NDST4: variants seen among roughly 807,000 people sequenced by gnomAD.
NDST4 encodes the protein N-deacetylase and N-sulfotransferase 4.
NDST4 carries 63 observed loss-of-function variants against 100.8 expected under a neutral mutation model. The observed-to-expected ratio is 0.62, with a 90% CI of 0.51 to 0.77. The LOEUF is 0.77. Ranked by LOEUF, NDST4 falls within the 30% of genes least tolerant of loss-of-function variation. The probability of loss-of-function intolerance (pLI) is 0.00; values close to 1 mark genes in which losing one functional copy is unlikely to be tolerated. For missense variants in NDST4, 943 were observed against 1,018.4 expected (o/e 0.93, Z 1.01); for synonymous variants, 377 against 361.8 (o/e 1.04, Z -0.48).
chr4:115,019,930 T>C (rs1340269484), intron 2 of NDST4, among the ~76,000 whole-genome samples: 1 of 152,006 alleles, frequency 6.6e-6, no homozygotes. Flanking sequence ...TAAATTTCTG[T>C]ATATTACAAA....
intron 11 of NDST4, among the ~76,000 whole-genome samples, chr4:114,834,475 C>A (rs1267425251): frequency 7.1e-6 from 1 of 140,730 alleles, no homozygotes; most frequent in African/African-American, 2.7e-5. Flanking sequence ...GATCGTGCCA[C>A]TGCACTCCAG....
rs561977687 is a variant in NDST4 at position 114,842,022 on chromosome 4, GTCT to G, written c.2116-2477_2116-2475del. On this transcript the variant is annotated intron_variant, in intron 10 of 13. Transcript: ENST00000264363. ...TCCACCCTTCAAAAATTCCCTTTTA[GTCT>G]TCTTTACTTTGGTATTAATTTGTAT... Among the ~76,000 whole-genome samples, 884 of 152,174 alleles carry G rather than the reference GTCT, an allele frequency of 5.8e-3. 4 individuals carry two copies. The highest frequency in any genetic ancestry group is 8.2e-3 in the Non-Finnish European group (555 of 67,992).
intron 6 of NDST4, among the ~76,000 whole-genome samples, chr4:114,904,822 A>C (rs1316622229): frequency 6.6e-6 from 1 of 151,990 alleles, no homozygotes; most frequent in African/African-American, 2.4e-5. Flanking sequence ...ACTGTAGGCC[A>C]CACTTGTGCT....
chr4:114,857,512 T>A (rs1043415210), intron 7 of NDST4, among the ~76,000 whole-genome samples: 2 of 152,138 alleles, frequency 1.3e-5, no homozygotes, highest in Non-Finnish European at 2.9e-5. Context: ...CATTTTTAGT[T>A]TTGTGAAGGG....
chr4:115,081,043 A>G (rs531194647), intron 1 of NDST4, among the ~76,000 whole-genome samples: 50 of 152,156 alleles, frequency 3.3e-4, no homozygotes, highest in African/African-American at 1.2e-3. Context: ...AAAGGAGAAT[A>G]TGTCAGTTTT....
At chr4:114,981,960 C>A (rs560286259) in intron 2 of NDST4, among the ~76,000 whole-genome samples, 1 of 152,228 alleles carries the variant, frequency 6.6e-6, no homozygotes, top group South Asian at 2.1e-4. Context: ...CACCATCTCC[C>A]TAGTGCTGTC....
intron 2 of NDST4, among the ~76,000 whole-genome samples, chr4:115,030,493 T>C (rs1728091486): frequency 6.6e-6 from 1 of 152,060 alleles, no homozygotes; most frequent in Non-Finnish European, 1.5e-5. Context: ...GAACCATAAG[T>C]CACAGCAACT....
chr4:114,839,348 A>T, intron 11 of NDST4, 30 bp downstream of exon 11: 1 of 1,573,828 alleles, frequency 6.4e-7, no homozygotes, highest in South Asian at 1.2e-5. Flanking sequence ...ATAATAAAAT[A>T]AACAGAAGAA....
chr4:114,990,960 A>G (rs1727023999), intron 2 of NDST4, among the ~76,000 whole-genome samples: 1 of 152,028 alleles, frequency 6.6e-6, no homozygotes, highest in Non-Finnish European at 1.5e-5. Flanking sequence ...TAAGGCCTGA[A>G]CACTAACCTC....
At chr4:115,061,639 G>T (rs1728825267) in intron 2 of NDST4, among the ~76,000 whole-genome samples, 1 of 151,968 alleles carries the variant, frequency 6.6e-6, no homozygotes, top group Non-Finnish European at 1.5e-5. Flanking sequence ...AGGGGCAAGG[G>T]GAGGGAGAGC....
At chr4:115,082,648 T>C (rs1461195849) in intron 1 of NDST4, among the ~76,000 whole-genome samples, 3 of 152,180 alleles carry the variant, frequency 2.0e-5, no homozygotes, top group African/African-American at 7.2e-5. Flanking sequence ...CTATGCTATA[T>C]TCTTTGTATT....
At chr4:114,935,155 C>A (rs756814333) in intron 6 of NDST4, 51 bp downstream of exon 6, 6 of 1,334,400 alleles carry the variant, frequency 4.5e-6, no homozygotes, top group South Asian at 2.2e-5. Flanking sequence ...GAAAATAAAA[C>A]ACATTTAAAA....
chr4:114,881,777 C>A (rs572039310), intron 6 of NDST4, among the ~76,000 whole-genome samples: 1 of 152,036 alleles, frequency 6.6e-6, no homozygotes, highest in South Asian at 2.1e-4. Flanking sequence ...GATTTCCCAT[C>A]GTGTTTTCTC....
At chr4:115,045,164 G>A (rs1043211075) in intron 2 of NDST4, among the ~76,000 whole-genome samples, 1 of 152,012 alleles carries the variant, frequency 6.6e-6, no homozygotes, top group African/African-American at 2.4e-5. Context: ...CTCAGTCTTA[G>A]GGTAGAGAGG....
intron 2 of NDST4, among the ~76,000 whole-genome samples, chr4:115,050,517 G>A (rs141399636): frequency 1.2e-3 from 178 of 152,116 alleles, no homozygotes; most frequent in African/African-American, 4.0e-3. Flanking sequence ...AATATTCATG[G>A]TATTTATGGG....
At chr4:115,069,372 C>G (rs1729021273) in intron 2 of NDST4, among the ~76,000 whole-genome samples, 1 of 152,068 alleles carries the variant, frequency 6.6e-6, no homozygotes, top group Admixed American at 6.6e-5. Context: ...AGACAACCTA[C>G]AGAATGGGAA....
intron 1 of NDST4, among the ~76,000 whole-genome samples, chr4:115,112,216 C>A (rs989950828): frequency 8.2e-5 from 12 of 146,224 alleles, no homozygotes; most frequent in Admixed American, 4.1e-4. Context: ...AAAAAAAAAA[C>A]CTTTACATCG....
intron 1 of NDST4, among the ~76,000 whole-genome samples, chr4:115,091,499 G>A (rs549879634): frequency 6.6e-6 from 1 of 152,108 alleles, no homozygotes; most frequent in South Asian, 2.1e-4. Flanking sequence ...AAAAACACAA[G>A]AGCTATATTT....
chr4:114,939,091 A>C (rs1165589612), intron 4 of NDST4, among the ~76,000 whole-genome samples: 4 of 152,282 alleles, frequency 2.6e-5, no homozygotes, highest in Non-Finnish European at 2.9e-5. Context: ...ATCACTAGGG[A>C]ACATGTACTG....
Sources: allele counts gnomAD v4.1 joint callset (sites outside exome capture counted in the v4.1 genomes callset), GRCh38; gene constraint gnomAD v4.1.1; transcripts MANE v1.5; gene names NCBI Gene and HGNC (gene_info 2026-07-23, HGNC 2026-07-21).